The following DCUN1D2 variants were observed in gnomAD, a reference collection of about 807,000 sequenced individuals.
DCUN1D2 encodes DCN1-like protein 2.
Under a neutral mutation model 30.9 loss-of-function variants are expected in DCUN1D2, and 29 were observed. The ratio of observed to expected loss-of-function variants is 0.94; its 90% CI spans 0.70 to 1.28. The LOEUF is 1.28. Among genes scored for constraint, DCUN1D2 ranks in the 50% most tolerant of loss-of-function variants. DCUN1D2 has a pLI of 0.00. For missense variants in DCUN1D2, 325 were observed against 316.9 expected, an observed-to-expected ratio of 1.03 and a Z score of -0.19; for synonymous variants, 121 against 115.3, an observed-to-expected ratio of 1.05 and a Z score of -0.32.
intron 3 of DCUN1D2, chr13:113,476,041 G>A (rs1404434925): frequency 6.6e-6 from 1 of 152,226 alleles, no homozygotes; most frequent in Non-Finnish European, 1.5e-5. Context: ...TCGTTCCTGT[G>A]GGTATGCATG....
intron 4 of DCUN1D2, among the ~76,000 whole-genome samples, chr13:113,471,994 A>G (rs912115173): frequency 6.6e-6 from 1 of 152,136 alleles, no homozygotes; most frequent in Non-Finnish European, 1.5e-5. Flanking sequence ...GTAAGGCCCA[A>G]CTATTGTTTT....
At chr13:113,486,892 C>T (rs1398191733) in intron 1 of DCUN1D2, among the ~76,000 whole-genome samples, 1 of 152,202 alleles carries the variant, frequency 6.6e-6, no homozygotes, top group Admixed American at 6.5e-5. Context: ...GGGTCTGTTG[C>T]CAAAGCAGAC....
chr13:113,471,038 GGGACCCAACTCCACAGA>G lies in DCUN1D2; in HGVS notation c.520+3069_520+3085del, dbSNP rs1566498060. On this transcript the variant is annotated intron_variant, in intron 4 of 6. Transcript: ENST00000478244. ...CTCCACAGAGGACCCAACTCCACAG[GGGACCCAACTCCACAGA>G]GGACCCAACTCCACAGGGGACCCAG... 7.0e-5 allele frequency among the ~76,000 whole-genome samples: 8 copies of G among 114,986 alleles called. No homozygotes were observed. In the East Asian group the frequency reaches 1.1e-3, roughly 16 times the overall value. 75.4% of individuals were successfully genotyped at this position (114,986 alleles called of 152,430 possible). A position where few individuals can be genotyped will look rare whatever the true frequency, so the allele number is the denominator to read the frequency against.
intron 5 of DCUN1D2, 50 bp from the exon 6 acceptor site, chr13:113,459,458 T>C: frequency 1.2e-6 from 1 of 826,356 alleles, no homozygotes; most frequent in Non-Finnish European, 2.1e-6. Flanking sequence ...ATACAGAGCT[T>C]AACTCTCATA....
At chr13:113,460,625 G>A (rs923682045) in intron 5 of DCUN1D2, among the ~76,000 whole-genome samples, 4 of 152,350 alleles carry the variant, frequency 2.6e-5, no homozygotes, top group Admixed American at 2.6e-4. Flanking sequence ...CAGAGGCTGG[G>A]CACCGCCACA....
At chr13:113,468,792 G>A (rs2044452347) in intron 4 of DCUN1D2, 1 of 152,280 alleles carries the variant, frequency 6.6e-6, no homozygotes, top group Non-Finnish European at 1.5e-5. Context: ...CATAAATTTA[G>A]GTGAGAAAGT....
intron 4 of DCUN1D2, among the ~76,000 whole-genome samples, chr13:113,462,116 G>A (rs1212848375): frequency 1.3e-5 from 2 of 152,036 alleles, no homozygotes; most frequent in Non-Finnish European, 2.9e-5. Flanking sequence ...GCTGGGCGTG[G>A]TGGCTCATGC....
chr13:113,467,769 C>T (rs760475870), intron 4 of DCUN1D2, among the ~76,000 whole-genome samples: 2 of 152,106 alleles, frequency 1.3e-5, no homozygotes, highest in South Asian at 2.1e-4. Context: ...GCGGGCCGGG[C>T]GCGGTGGCTC....
chr13:113,465,499 TA>T (rs1348789557), intron 4 of DCUN1D2, among the ~76,000 whole-genome samples: 81 of 131,768 alleles, frequency 6.1e-4, no homozygotes, highest in Admixed American at 6.9e-4. Flanking sequence ...CAGAGAGAAG[TA>T]AAAAAAAAAA....
At chr13:113,480,506 G>T in intron 3 of DCUN1D2, 69 bp downstream of exon 3, 4 of 1,556,092 alleles carry the variant, frequency 2.6e-6, no homozygotes, top group Non-Finnish European at 3.5e-6. Flanking sequence ...GTATGTACAG[G>T]TTGCTGAAAA....
At chr13:113,468,043 T>TAAAA (rs59075073) in intron 4 of DCUN1D2, among the ~76,000 whole-genome samples, 1 of 97,202 alleles carries the variant, frequency 1.0e-5, no homozygotes, top group Non-Finnish European at 2.0e-5. Flanking sequence ...GGATCCATCT[T>TAAAA]AAAAAAAAAA....
At chr13:113,490,999 G>C (rs548558141), upstream of DCUN1D2, 79 of 173,750 alleles carry the variant, frequency 4.5e-4, no homozygotes, top group African/African-American at 1.7e-3. This position sits in a 1 kb window ranked among gnomAD's most constrained non-coding sequence, Gnocchi z 5.2. Flanking sequence ...CCTCTTAAAG[G>C]GGGCAGTGAC....
intron 4 of DCUN1D2, among the ~76,000 whole-genome samples, chr13:113,470,801 A>G (rs1439225014): frequency 1.5e-5 from 2 of 136,240 alleles, no homozygotes; most frequent in Middle Eastern, 4.2e-3. Flanking sequence ...ACTCCACAGA[A>G]GACACAACTC....
rs1166606630 is a variant in DCUN1D2 at position 113,490,650 on chromosome 13, G to T, written c.3+17C>A. 1 of 1,243,794 alleles carries T rather than the reference G, an allele frequency of 8.0e-7. No homozygotes were observed. The highest frequency in any genetic ancestry group is 2.9e-5 in the South Asian group (1 of 35,012). 77.0% of individuals were successfully genotyped at this position (1,243,794 alleles called of 1,614,324 possible). A position where few individuals can be genotyped will look rare whatever the true frequency, so the allele number is the denominator to read the frequency against. On this transcript the variant is annotated intron_variant, in intron 1 of 6. Transcript: ENST00000478244. The surrounding 1 kb of genome is among the most constrained non-coding windows in gnomAD (Gnocchi z 5.2). ...GACCCCGACCCCGACGGGCAGAGGC[G>T]ACGCCGGGCCACCTACCATCTCCCC...
At chr13:113,466,682 G>A (rs1045931716) in intron 4 of DCUN1D2, among the ~76,000 whole-genome samples, 3 of 151,854 alleles carry the variant, frequency 2.0e-5, no homozygotes, top group Admixed American at 1.3e-4. Context: ...CACATTTCCT[G>A]GAGGCCATGT....
intron 3 of DCUN1D2, among the ~76,000 whole-genome samples, 178 bp from the exon 4 acceptor site, chr13:113,474,432 G>A (rs1459942553): frequency 1.3e-5 from 2 of 152,180 alleles, no homozygotes; most frequent in African/African-American, 4.8e-5. Flanking sequence ...AAGATGGGGG[G>A]GCAACATCTC....
Position 113,490,593 on chromosome 13 carries a change from C to T in DCUN1D2, c.3+74G>A, listed in dbSNP as rs903418345. ...TGGGCTCGGCCTCCCACATCCAGCG[C>T]GCCGCCTGCGCCGACCTTGGGGCCC... On this transcript the variant is annotated intron_variant, in intron 1 of 6. Coordinates refer to ENST00000478244, the MANE Select transcript of DCUN1D2 (RefSeq NM_001014283.2). This position sits in a 1 kb window ranked among gnomAD's most constrained non-coding sequence, Gnocchi z 5.2. 3 of 1,195,636 alleles carry T rather than the reference C, an allele frequency of 2.5e-6. No homozygotes were observed. Among genetic ancestry groups the T allele is most frequent in the Non-Finnish European group, 3.1e-6 (3 of 959,242 alleles). 74.1% of individuals were successfully genotyped at this position (1,195,636 alleles called of 1,614,324 possible). A position where few individuals can be genotyped will look rare whatever the true frequency, so the allele number is the denominator to read the frequency against.
At chr13:113,472,351 G>A (rs969001634) in intron 4 of DCUN1D2, among the ~76,000 whole-genome samples, 3 of 152,124 alleles carry the variant, frequency 2.0e-5, no homozygotes, top group Non-Finnish European at 4.4e-5. Context: ...CACCAGCCGC[G>A]ACCCCACCAC....
chr13:113,477,194 G>T (rs1487284610), intron 3 of DCUN1D2, among the ~76,000 whole-genome samples: 1 of 152,072 alleles, frequency 6.6e-6, no homozygotes, highest in Non-Finnish European at 1.5e-5. Context: ...TATCTATTGG[G>T]ATTTTTAAAT....
Sources: gnomAD v4.1 joint callset for allele counts (sites outside exome capture counted in the v4.1 genomes callset) on GRCh38, gnomAD v4.1.1 for gene constraint, Gnocchi (gnomAD v3.1) non-coding constraint, MANE v1.5 for transcripts, NCBI Gene and HGNC (gene_info 2026-07-23, HGNC 2026-07-21) for gene names.